PUDP: variants seen among roughly 807,000 people sequenced by gnomAD.
PUDP encodes pseudouridine-5'-phosphatase.
A neutral mutation model predicts 9.4 loss-of-function variants in PUDP; 8 were observed. The observed-to-expected ratio is 0.85, with a 90% CI of 0.50 to 1.53. The LOEUF (loss-of-function observed/expected upper bound fraction) is 1.53. Ranked by LOEUF, PUDP falls within the 40% of genes most tolerant of loss-of-function variation. The probability of loss-of-function intolerance (pLI) is 0.00; values close to 1 mark genes in which losing one functional copy is unlikely to be tolerated. For synonymous variants in PUDP, 99 were observed against 80.7 expected, an observed-to-expected ratio of 1.23 and a Z score of -1.22; for missense variants, 188 against 189.7, an observed-to-expected ratio of 0.99 and a Z score of 0.05.
chrX:6,840,675 C>T (rs983785530), intron 3 of PUDP, among the ~76,000 whole-genome samples: 1 of 111,095 alleles, frequency 9.0e-6, no homozygotes, highest in Non-Finnish European at 1.9e-5. Flanking sequence ...AATGGTGGAT[C>T]CATGTTATTA....
chrX:6,974,214 A>C, intron 3 of PUDP, among the ~76,000 whole-genome samples: 1 of 111,883 alleles, frequency 8.9e-6, no homozygotes, highest in East Asian at 2.8e-4. Context: ...TATAAGGTTA[A>C]TATTGTTATG....
chrX:6,827,769 A>C (rs1281785971), intron 3 of PUDP, among the ~76,000 whole-genome samples: 3 of 112,096 alleles, frequency 2.7e-5, no homozygotes, highest in Non-Finnish European at 5.6e-5. Flanking sequence ...ATCCTTGTTG[A>C]GTAGCTTAAA....
intron 3 of PUDP, among the ~76,000 whole-genome samples, chrX:6,780,552 A>C (rs1009493632): frequency 1.1e-4 from 12 of 111,806 alleles, no homozygotes; most frequent in African/African-American, 3.9e-4. Flanking sequence ...TGGAAAAGAC[A>C]AATGATCATC....
intron 1 of PUDP, among the ~76,000 whole-genome samples, chrX:6,996,310 C>A (rs1471394065): frequency 9.0e-6 from 1 of 110,837 alleles, no homozygotes; most frequent in African/African-American, 3.3e-5. Context: ...TTTTTCCTCC[C>A]AAAAGGCCAT....
intron 1 of PUDP, among the ~76,000 whole-genome samples, chrX:7,139,728 G>A (rs1310793326): frequency 1.8e-5 from 2 of 112,122 alleles, no homozygotes; most frequent in Non-Finnish European, 3.8e-5. Context: ...TATGTCATCT[G>A]CAGTGTTTTT....
chrX:6,795,470 T>C (rs1258588033), intron 3 of PUDP, among the ~76,000 whole-genome samples: 1 of 111,276 alleles, frequency 9.0e-6, no homozygotes, highest in African/African-American at 3.3e-5. Context: ...CCCACCATCA[T>C]GGGGGCTGTG....
At position 6,943,119 on chromosome X, in the gene PUDP, C is replaced by G. The variant is rs184293279; in HGVS notation, c.*247+34014G>C. On this transcript the variant is annotated intron_variant and NMD_transcript_variant, in intron 3 of 3. Coordinates refer to the PUDP transcript ENST00000655425. ...TCTGTGCATGGTGAAAGTCCTTACCCAGTGCCTCAGAACTATGATGTACAA... is the reference window on the plus strand; with the variant it reads ...TCTGTGCATGGTGAAAGTCCTTACCGAGTGCCTCAGAACTATGATGTACAA... 5.4e-5 allele frequency among the ~76,000 whole-genome samples: 6 copies of G among 111,872 alleles called. No homozygotes were observed. In the East Asian group the frequency reaches 1.4e-3, roughly 26 times the overall value.
chrX:6,716,252 T>A (rs1924598848), intron 1 of PUDP, among the ~76,000 whole-genome samples: 1 of 111,855 alleles, frequency 8.9e-6, no homozygotes, highest in Admixed American at 9.5e-5. Flanking sequence ...TTACCCAGAA[T>A]GGTAAATCAT....
intron 1 of PUDP, among the ~76,000 whole-genome samples, chrX:7,114,250 A>G (rs1156620692): frequency 1.8e-5 from 2 of 110,228 alleles, no homozygotes; most frequent in South Asian, 3.9e-4. Context: ...AATTTTTTGT[A>G]GAGATGGGGT....
chrX:7,070,538 A>G (rs991316650), intron 3 of PUDP, among the ~76,000 whole-genome samples: 2 of 111,266 alleles, frequency 1.8e-5, no homozygotes, highest in African/African-American at 6.5e-5. Flanking sequence ...TAATCTCCCC[A>G]AAACCAGAGG....
chrX:7,109,830 C>T (rs1179752028), intron 1 of PUDP, among the ~76,000 whole-genome samples: 1 of 112,928 alleles, frequency 8.9e-6, no homozygotes, highest in African/African-American at 3.2e-5. Flanking sequence ...ATATTCTTCC[C>T]TGCTTACTAA....
At position 7,049,256 on chromosome X, in the gene PUDP, C is replaced by G. The variant is rs755772190; in HGVS notation, c.*1040G>C. On this transcript the variant is annotated 3_prime_UTR_variant, in exon 4 of 4. Coordinates refer to ENST00000381077, the MANE Select transcript of PUDP (RefSeq NM_012080.5). ...CACTCCCGATTTCCATGGCTACCAC[C>G]GTTTTTCTCTGGCAAATCAGAGACG... The G allele has an allele frequency of 8.9e-6, 1 of 112,108 alleles. No individual in the cohort carries two copies. Among genetic ancestry groups the G allele is most frequent in the Non-Finnish European group, 1.9e-5 (1 of 53,270 alleles). 9.2% of individuals were successfully genotyped at this position (112,108 alleles called of 1,213,427 possible).
At chrX:7,017,770 G>C (rs1401580305) in intron 1 of PUDP, among the ~76,000 whole-genome samples, 2 of 111,944 alleles carry the variant, frequency 1.8e-5, no homozygotes, top group African/African-American at 6.5e-5. Context: ...AACTGTCAGA[G>C]GTGTTTGAAC....
intron 1 of PUDP, among the ~76,000 whole-genome samples, chrX:6,709,753 C>CTTAGATACAT: frequency 8.9e-6 from 1 of 112,251 alleles, no homozygotes; most frequent in South Asian, 3.7e-4. Flanking sequence ...AAGTCAGGGA[C>CTTAGATACAT]TTAGATACAT....
At chrX:7,139,458 A>G (rs1932775550) in intron 1 of PUDP, among the ~76,000 whole-genome samples, 1 of 111,886 alleles carries the variant, frequency 8.9e-6, no homozygotes, top group African/African-American at 3.3e-5. Flanking sequence ...CCTGGCAGGA[A>G]GATTTGCTGG....
intron 2 of PUDP, among the ~76,000 whole-genome samples, chrX:7,096,685 A>G (rs1459127708): frequency 9.1e-6 from 1 of 110,472 alleles, no homozygotes; most frequent in Non-Finnish European, 1.9e-5. Context: ...AAAGAAAAAA[A>G]CCTTAGTGGG....
At chrX:6,996,551 T>C (rs191888982) in intron 1 of PUDP, among the ~76,000 whole-genome samples, 187 of 91,993 alleles carry the variant, frequency 2.0e-3, no homozygotes, top group African/African-American at 6.9e-3. Context: ...ATTTCCATTT[T>C]TTCCTCATAT....
At chrX:7,026,567 T>C (rs749647578) in intron 1 of PUDP, among the ~76,000 whole-genome samples, 3 of 111,848 alleles carry the variant, frequency 2.7e-5, no homozygotes, top group South Asian at 7.6e-4. Flanking sequence ...TGAGATTCTG[T>C]GTGGCCCCCA....
intron 3 of PUDP, among the ~76,000 whole-genome samples, chrX:6,748,940 T>G (rs193011431): frequency 1.8e-5 from 2 of 110,373 alleles, no homozygotes; most frequent in East Asian, 5.7e-4. Flanking sequence ...CTTAGAAAGG[T>G]TGGCGATAAA....
Sources: gnomAD v4.1 joint callset for allele counts (sites outside exome capture counted in the v4.1 genomes callset) on GRCh38, gnomAD v4.1.1 for gene constraint, MANE v1.5 for transcripts, NCBI Gene and HGNC (gene_info 2026-07-23, HGNC 2026-07-21) for gene names.